The following SYNDIG1L variants were observed in gnomAD, a reference collection of about 807,000 sequenced individuals.
The protein encoded by SYNDIG1L is synapse differentiation inducing 1 like.
In SYNDIG1L, 13 loss-of-function variants were observed where a neutral mutation model predicts 20.1. That is an observed-to-expected ratio of 0.65 (90% CI 0.42 to 1.03). The LOEUF is 1.03. Ranked by LOEUF, SYNDIG1L falls within the 50% of genes least tolerant of loss-of-function variation. The pLI, the probability that SYNDIG1L is intolerant of heterozygous loss-of-function variation, is 0.00. For missense variants in SYNDIG1L, 294 were observed against 305.1 expected (o/e 0.96, Z 0.27); for synonymous variants, 128 against 129.3 (o/e 0.99, Z 0.07).
chr14:74,479,874 G>A, the SYNDIG1L span: 38 of 824,874 alleles, frequency 4.6e-5, no homozygotes, highest in Non-Finnish European at 6.0e-5. Flanking sequence ...ACGGAACTGG[G>A]GGCCTGCCTT....
intron 1 of SYNDIG1L, among the ~76,000 whole-genome samples, 151 bp downstream of exon 1, chr14:74,425,761 G>A (rs1362020171): frequency 6.6e-6 from 1 of 152,140 alleles, no homozygotes; most frequent in African/African-American, 2.4e-5. Context: ...GGGTAGGGAG[G>A]GACGAAGTGC....
chr14:74,447,307 C>A, the SYNDIG1L span, among the ~76,000 whole-genome samples: 1 of 151,884 alleles, frequency 6.6e-6, no homozygotes, highest in Non-Finnish European at 1.5e-5. Flanking sequence ...GTAACATAGC[C>A]CCCCAAAAAT....
rs182045740 is a variant in SYNDIG1L, at chr14:74,413,995, G to A, written c.-57-4194C>T. 3.9e-5 allele frequency among the ~76,000 whole-genome samples: 6 copies of A among 152,346 alleles called. No homozygotes were observed. In the East Asian group the frequency reaches 1.2e-3, roughly 29 times the overall value. ...CACAGATTCCTGACCAGAAGGAGAG[G>A]GTGGCAGGTCCCCAGACACAGCCTT... is the stretch of plus-strand genomic sequence containing the variant. On this transcript the variant is annotated intron_variant, in intron 1 of 3. Coordinates refer to ENST00000331628, the MANE Select transcript of SYNDIG1L (RefSeq NM_001105579.2).
intron 1 of SYNDIG1L, among the ~76,000 whole-genome samples, chr14:74,420,207 GC>G (rs201105565): frequency 0.01 from 1,580 of 152,038 alleles, 36 homozygotes; most frequent in African/African-American, 0.036. Context: ...GACCAGCCTG[GC>G]CAACATGGTG....
the SYNDIG1L span, among the ~76,000 whole-genome samples, chr14:74,440,641 C>T: frequency 6.6e-6 from 1 of 151,544 alleles, no homozygotes; most frequent in Non-Finnish European, 1.5e-5. Flanking sequence ...GCCGAGATCA[C>T]GCCACTGAAC....
At chr14:74,416,564 G>A (rs1042463344) in intron 1 of SYNDIG1L, among the ~76,000 whole-genome samples, 3 of 152,158 alleles carry the variant, frequency 2.0e-5, no homozygotes, top group Admixed American at 6.6e-5. Context: ...AGGCCAGGAG[G>A]TCTAAGCTGC....
chr14:74,415,511 A>G (rs541159638), intron 1 of SYNDIG1L, among the ~76,000 whole-genome samples: 2 of 152,268 alleles, frequency 1.3e-5, no homozygotes, highest in South Asian at 2.1e-4. Flanking sequence ...AAAAAAATGT[A>G]TAACCACTAT....
intron 1 of SYNDIG1L, among the ~76,000 whole-genome samples, chr14:74,419,249 C>T (rs1230961967): frequency 1.3e-5 from 2 of 152,216 alleles, no homozygotes; most frequent in Admixed American, 6.5e-5. Flanking sequence ...GTGCTTATCA[C>T]AGTCTCTATT....
At chr14:74,438,396 TTAAACTTTC>T in the SYNDIG1L span, among the ~76,000 whole-genome samples, 1 of 152,242 alleles carries the variant, frequency 6.6e-6, no homozygotes, top group Non-Finnish European at 1.5e-5. Flanking sequence ...CTGCGATTGA[TTAAACTTTC>T]TAAGCTTGTA....
chr14:74,459,956 T>G, the SYNDIG1L span, among the ~76,000 whole-genome samples: 5 of 152,168 alleles, frequency 3.3e-5, no homozygotes, highest in African/African-American at 1.2e-4. Flanking sequence ...TCCTCCCAGA[T>G]GCTTCTAGGA....
the SYNDIG1L span, among the ~76,000 whole-genome samples, chr14:74,464,392 T>A: frequency 1.3e-5 from 2 of 152,130 alleles, no homozygotes; most frequent in South Asian, 4.1e-4. Flanking sequence ...TTTCAGTTAA[T>A]CCTCGCCAAA....
At position 74,409,366 on chromosome 14, in the gene SYNDIG1L, C is replaced by A; in HGVS notation, c.379G>T (p.Glu127Ter). 1 of 1,589,394 alleles carries A rather than the reference C, an allele frequency of 6.3e-7. No homozygotes were observed. Reference sequence around the variant, plus strand: ...TGGTCATCCTCCTGGTCCCGCAGCTCCTCTTGTACCCCATAGGACACAGTC... The same window carrying A: ...TGGTCATCCTCCTGGTCCCGCAGCTACTCTTGTACCCCATAGGACACAGTC... ...IQTVSYGVQE[E>*]LRDQEDDQEE... The change falls in exon 2 of 4, where the codon GAG (glutamate) becomes TAG (stop). Residue 127 changes from glutamate (E) to a stop codon, truncating the protein, a stop_gained. Coordinates refer to ENST00000331628, the MANE Select transcript of SYNDIG1L (RefSeq NM_001105579.2). LOFTEE classifies it high-confidence loss of function.
the SYNDIG1L span, among the ~76,000 whole-genome samples, chr14:74,440,683 T>C: frequency 6.7e-6 from 1 of 150,292 alleles, no homozygotes; most frequent in African/African-American, 2.5e-5. Context: ...AGACTCTGTC[T>C]AAAAGAAAAA....
upstream of SYNDIG1L, among the ~76,000 whole-genome samples, chr14:74,430,437 A>T (rs918512533): frequency 1.6e-4 from 18 of 114,394 alleles, no homozygotes; most frequent in Admixed American, 1.6e-3. Flanking sequence ...AAGAATACGC[A>T]TTCTTTTTTT....
chr14:74,447,033 G>A, the SYNDIG1L span, among the ~76,000 whole-genome samples: 1 of 152,236 alleles, frequency 6.6e-6, no homozygotes, highest in African/African-American at 2.4e-5. Flanking sequence ...TTGAGCTAAG[G>A]AGTTTGAGAC....
chr14:74,421,315 G>C (rs1320842710), intron 1 of SYNDIG1L, among the ~76,000 whole-genome samples: 21 of 151,990 alleles, frequency 1.4e-4, no homozygotes. Flanking sequence ...CAATGTAAAA[G>C]AAAAAGTAAA....
the SYNDIG1L span, among the ~76,000 whole-genome samples, chr14:74,456,440 G>A: frequency 3.3e-5 from 5 of 152,076 alleles, no homozygotes; most frequent in African/African-American, 1.2e-4. Context: ...TGAGGCAGGA[G>A]AATCACTTGA....
the SYNDIG1L span, among the ~76,000 whole-genome samples, chr14:74,433,886 C>G: frequency 6.6e-6 from 1 of 152,164 alleles, no homozygotes; most frequent in Non-Finnish European, 1.5e-5. Flanking sequence ...GCACACAAAA[C>G]TAGCCATCAC....
chr14:74,414,818 AGACT>A (rs2086161932), intron 1 of SYNDIG1L, among the ~76,000 whole-genome samples: 1 of 152,182 alleles, frequency 6.6e-6, no homozygotes, highest in Non-Finnish European at 1.5e-5. Context: ...CAGCTGGGGC[AGACT>A]AAGTCATGTC....
Sources: gnomAD v4.1 joint callset for allele counts (sites outside exome capture counted in the v4.1 genomes callset) on GRCh38, gnomAD v4.1.1 for gene constraint, MANE v1.5 for transcripts, NCBI Gene and HGNC (gene_info 2026-07-23, HGNC 2026-07-21) for gene names.